Variants in PHF6 observed in about 807,000 individuals in gnomAD.
PHF6 encodes the protein PHD-like zinc finger protein.
A neutral mutation model predicts 34.0 loss-of-function variants in PHF6; 7 were observed. The observed-to-expected ratio is 0.21, with a 90% CI of 0.12 to 0.39. The LOEUF is 0.39. Ranked by LOEUF, PHF6 falls within the 10% of genes least tolerant of loss-of-function variation. The probability of loss-of-function intolerance (pLI) is 1.00; values close to 1 mark genes in which losing one functional copy is unlikely to be tolerated. For missense variants in PHF6, 128 were observed against 262.8 expected, an observed-to-expected ratio of 0.49 and a Z score of 3.55; for synonymous variants, 89 against 88.4, an observed-to-expected ratio of 1.01 and a Z score of -0.04.
Position 134,377,603 on chromosome X carries a change from G to A in PHF6, c.-15G>A, listed in dbSNP as rs1371845742. The A allele has an allele frequency of 8.3e-7, 1 of 1,202,319 alleles. No individual in the cohort carries two copies. The highest frequency in any genetic ancestry group is 1.1e-6 in the Non-Finnish European group (1 of 891,078). ...TTGAGACTTAAAGTGGCATTCTAAA[G>A]GCAATTTAAAAATCATGTCAAGCTC... On this transcript the variant is annotated 5_prime_UTR_variant, in exon 2 of 11. Coordinates refer to ENST00000370803, the MANE Select transcript of PHF6 (RefSeq NM_001015877.2).
At chrX:134,395,666 T>G (rs1196642855) in intron 5 of PHF6, among the ~76,000 whole-genome samples, 1 of 112,137 alleles carries the variant, frequency 8.9e-6, no homozygotes, top group African/African-American at 3.2e-5. Flanking sequence ...TTTATGAAGA[T>G]TTACCTAATT....
chrX:134,426,356 T>C lies in PHF6; in HGVS notation c.*696T>C, dbSNP rs2077507525. 2 of 159,078 alleles carry C rather than the reference T, an allele frequency of 1.3e-5. No individual in the cohort carries two copies. The highest frequency in any genetic ancestry group is 2.5e-5 in the Non-Finnish European group (2 of 81,612). 13.1% of individuals were successfully genotyped at this position (159,078 alleles called of 1,213,427 possible). A position where few individuals can be genotyped will look rare whatever the true frequency, so the allele number is the denominator to read the frequency against. On this transcript the variant is annotated 3_prime_UTR_variant, in exon 11 of 11. Transcript: ENST00000370803. ...ATACAAAGGACTTCTGGCAAAATGA[T>C]TGAGTCCTTCAAGTTTAAACTAACA... is the stretch of plus-strand genomic sequence containing the variant.
chrX:134,381,724 C>G (rs1480919375), intron 3 of PHF6, among the ~76,000 whole-genome samples: 1 of 110,087 alleles, frequency 9.1e-6, no homozygotes, highest in African/African-American at 3.3e-5. Flanking sequence ...CTCCTGACCT[C>G]AGGTGATCTA....
At chrX:134,412,785 A>G (rs1010029381) in intron 5 of PHF6, among the ~76,000 whole-genome samples, 2 of 112,599 alleles carry the variant, frequency 1.8e-5, no homozygotes, top group African/African-American at 6.4e-5. Context: ...ATTAAAGCAT[A>G]TGCAACTAAC....
intron 5 of PHF6, among the ~76,000 whole-genome samples, chrX:134,412,756 C>T (rs777915081): frequency 2.7e-5 from 3 of 112,243 alleles, no homozygotes; most frequent in East Asian, 5.5e-4. Context: ...CAAATTTCTG[C>T]GTAAGTTTTG....
chrX:134,404,851 T>C (rs1316727481), intron 5 of PHF6, among the ~76,000 whole-genome samples: 1 of 112,131 alleles, frequency 8.9e-6, no homozygotes, highest in Non-Finnish European at 1.9e-5. Context: ...GTATTTTTAA[T>C]GAAGGTACAT....
chrX:134,422,320 A>G (rs893209144), intron 9 of PHF6, among the ~76,000 whole-genome samples: 6 of 111,966 alleles, frequency 5.4e-5, no homozygotes, highest in Admixed American at 4.8e-4. Context: ...TTTGCTTTTT[A>G]GCTATTAGAC....
chrX:134,422,119 C>T (rs765414563), intron 9 of PHF6, among the ~76,000 whole-genome samples: 1 of 110,567 alleles, frequency 9.0e-6, no homozygotes, highest in South Asian at 3.9e-4. Context: ...GACGAGATTT[C>T]ACCATGTTGC....
At position 134,380,919 on chromosome X, in the gene PHF6, C is replaced by T. The variant is rs769080413; in HGVS notation, c.240+2813C>T. Reference sequence around the variant, plus strand: ...AGGCTGGAGTGCAGTGGTGCGATCTCGGCTCACTGCAGCCTCCACTGGGTT... The same window carrying T: ...AGGCTGGAGTGCAGTGGTGCGATCTTGGCTCACTGCAGCCTCCACTGGGTT... On this transcript the variant is annotated intron_variant, in intron 3 of 10. Transcript: ENST00000370803. Among the ~76,000 whole-genome samples the T allele has an allele frequency of 1.8e-3, 206 of 111,839 alleles. 1 individual carries two copies. Among genetic ancestry groups the T allele is most frequent in the Non-Finnish European group, 2.9e-3 (153 of 53,086 alleles).
intron 9 of PHF6, chrX:134,417,548 A>G (rs892480855): frequency 6.6e-5 from 21 of 320,246 alleles, no homozygotes; most frequent in Non-Finnish European, 1.0e-4. Context: ...GAAGCTGGGC[A>G]TATGCCAGTG....
At chrX:134,376,145 G>T (rs1216155705) in intron 1 of PHF6, among the ~76,000 whole-genome samples, 1 of 111,789 alleles carries the variant, frequency 8.9e-6, no homozygotes, top group Non-Finnish European at 1.9e-5. Flanking sequence ...GTGGCTTCAG[G>T]TGAAATTTTG....
rs112749702 is a variant in PHF6 at position 134,414,075 on chromosome X, A to T, written c.729+109A>T. 1,501 of 843,850 alleles carry T rather than the reference A, an allele frequency of 1.8e-3. 13 individuals carry two copies. In the African/African-American group the frequency reaches 0.028, roughly 16 times the overall value. 69.5% of individuals were successfully genotyped at this position (843,850 alleles called of 1,213,427 possible). ...TTTTTTTTTTAAAAATCATTTAGCT[A>T]GTAACCAAAAAATTTCCCCCCACCA... On this transcript the variant is annotated intron_variant, in intron 7 of 10. Coordinates refer to ENST00000370803, the MANE Select transcript of PHF6 (RefSeq NM_001015877.2).
chrX:134,405,922 C>A (rs1051486722), intron 5 of PHF6, among the ~76,000 whole-genome samples: 2 of 108,922 alleles, frequency 1.8e-5, no homozygotes, highest in African/African-American at 6.7e-5. Flanking sequence ...AATGACTCCG[C>A]ACATACAGAG....
At chrX:134,415,469 C>G (rs2077469657) in intron 8 of PHF6, among the ~76,000 whole-genome samples, 1 of 111,536 alleles carries the variant, frequency 9.0e-6, no homozygotes, top group Non-Finnish European at 1.9e-5. Flanking sequence ...TTTTTCAGGG[C>G]TTTCTGTTTA....
chrX:134,379,518 C>T (rs1443181498), intron 3 of PHF6, among the ~76,000 whole-genome samples: 2 of 98,093 alleles, frequency 2.0e-5, no homozygotes, highest in Non-Finnish European at 4.0e-5. Context: ...TCTCAGCTCA[C>T]GGTAACCTCT....
At position 134,404,806 on chromosome X, in the gene PHF6, A is replaced by G. The variant is rs1203338471; in HGVS notation, c.419-8685A>G. The stretch of plus-strand genomic sequence containing the variant: ...GCGAAAAGATTACAGCTTACTGGAA[A>G]GCCCAGATGATTGTTAGCATTTTTT... On this transcript the variant is annotated intron_variant, in intron 5 of 10. Coordinates refer to ENST00000370803, the MANE Select transcript of PHF6 (RefSeq NM_001015877.2). 3.6e-5 allele frequency among the ~76,000 whole-genome samples: 4 copies of G among 112,303 alleles called. No individual in the cohort carries two copies. The East Asian group carries it at 1.1e-3, about 31-fold the overall frequency.
chrX:134,425,831 G>C lies in PHF6; in HGVS notation c.*171G>C, dbSNP rs900645718. 1 of 180,132 alleles carries C rather than the reference G, an allele frequency of 5.6e-6. No individual in the cohort carries two copies. Among genetic ancestry groups the C allele is most frequent in the Non-Finnish European group, 1.1e-5 (1 of 94,459 alleles). 14.8% of individuals were successfully genotyped at this position (180,132 alleles called of 1,213,427 possible). On this transcript the variant is annotated 3_prime_UTR_variant, in exon 11 of 11. Coordinates refer to ENST00000370803, the MANE Select transcript of PHF6 (RefSeq NM_001015877.2). ...TTGTTTGTTTTATGAGCCCTCACTA[G>C]AAGGCTGAGTTTGACATGTTGATAT... is the stretch of plus-strand genomic sequence containing the variant.
chrX:134,410,262 G>T, intron 5 of PHF6, among the ~76,000 whole-genome samples: 1 of 111,875 alleles, frequency 8.9e-6, no homozygotes, highest in East Asian at 2.8e-4. Context: ...CACCAACAGT[G>T]TATAAACATT....
chrX:134,417,133 A>T (rs376797925), intron 8 of PHF6, 36 bp from the exon 9 acceptor site: 2 of 1,206,492 alleles, frequency 1.7e-6, no homozygotes, highest in Non-Finnish European at 2.2e-6. Flanking sequence ...GTTTTCTTGA[A>T]ATACGGCTTA....
Sources: gnomAD v4.1 joint callset for allele counts (sites outside exome capture counted in the v4.1 genomes callset) on GRCh38, gnomAD v4.1.1 for gene constraint, MANE v1.5 for transcripts, NCBI Gene and HGNC (gene_info 2026-07-23, HGNC 2026-07-21) for gene names.